The following GRIN2A variants were observed in gnomAD, a reference collection of about 807,000 sequenced individuals.
The protein encoded by GRIN2A is glutamate receptor ionotropic, NMDA 2A.
A neutral mutation model predicts 113.4 loss-of-function variants in GRIN2A; 22 were observed. The observed-to-expected ratio is 0.19, with a 90% CI of 0.14 to 0.28. The LOEUF (loss-of-function observed/expected upper bound fraction) is 0.28, where lower values mean the gene tolerates loss of function less well. Among genes scored for constraint, GRIN2A ranks in the 10% least tolerant of loss-of-function variants. The pLI is 1.00. For missense variants in GRIN2A, 1,502 were observed against 1,887.0 expected (o/e 0.80, Z 3.78); for synonymous variants, 827 against 738.4 (o/e 1.12, Z -1.94).
intron 3 of GRIN2A, among the ~76,000 whole-genome samples, chr16:9,903,865 G>A (rs1328180493): frequency 6.6e-6 from 1 of 152,212 alleles, no homozygotes; most frequent in Non-Finnish European, 1.5e-5. Flanking sequence ...AAACACAAAT[G>A]TTTGATGAAG....
At chr16:9,917,640 C>T (rs1260711565) in intron 3 of GRIN2A, among the ~76,000 whole-genome samples, 1 of 152,190 alleles carries the variant, frequency 6.6e-6, no homozygotes, top group Admixed American at 6.5e-5. Context: ...ACTCTTCAGT[C>T]AAATAAAATA....
intron 4 of GRIN2A, among the ~76,000 whole-genome samples, chr16:9,886,889 T>C (rs911692915): frequency 7.9e-5 from 12 of 152,046 alleles, no homozygotes; most frequent in African/African-American, 2.9e-4. Flanking sequence ...GGATTTAAGG[T>C]TTTGTTGTTT....
chr16:9,880,019 C>A (rs1256795092), intron 4 of GRIN2A, among the ~76,000 whole-genome samples: 1 of 152,140 alleles, frequency 6.6e-6, no homozygotes, highest in Non-Finnish European at 1.5e-5. Flanking sequence ...CTCAAACTTA[C>A]CCATTTGAAA....
Position 10,076,927 on chromosome 16 carries a change from T to A in GRIN2A, c.414+103071A>T, listed in dbSNP as rs76194129. Among the ~76,000 whole-genome samples, 943 of 152,256 alleles carry A rather than the reference T, an allele frequency of 6.2e-3. 16 individuals carry two copies. The highest frequency in any genetic ancestry group is 0.022 in the African/African-American group (909 of 41,548). ...TACACAGCAAAGGGGACTTGGCAAA[T>A]GTGATTCAGTTAAAGATCTTCAGAG... On this transcript the variant is annotated intron_variant, in intron 2 of 12. Coordinates refer to ENST00000330684, the MANE Select transcript of GRIN2A (RefSeq NM_001134407.3).
intron 2 of GRIN2A, among the ~76,000 whole-genome samples, chr16:10,030,223 T>C (rs2046903772): frequency 6.6e-6 from 1 of 152,156 alleles, no homozygotes; most frequent in African/African-American, 2.4e-5. Context: ...CAACTCTCAT[T>C]TCTCTCGTCC....
intron 2 of GRIN2A, among the ~76,000 whole-genome samples, chr16:10,063,039 A>G (rs1055058168): frequency 6.6e-6 from 1 of 152,182 alleles, no homozygotes; most frequent in Non-Finnish European, 1.5e-5. Flanking sequence ...GAATATACAC[A>G]GCCATAAAAA....
At chr16:10,137,834 G>C (rs2049232101) in intron 2 of GRIN2A, among the ~76,000 whole-genome samples, 1 of 152,124 alleles carries the variant, frequency 6.6e-6, no homozygotes, top group African/African-American at 2.4e-5. Context: ...GCTCACCCAA[G>C]AGTCATGACT....
At chr16:9,877,208 G>A (rs2043385283) in intron 4 of GRIN2A, among the ~76,000 whole-genome samples, 1 of 152,144 alleles carries the variant, frequency 6.6e-6, no homozygotes, top group Non-Finnish European at 1.5e-5. Flanking sequence ...GGGTTATTAT[G>A]CGGCTAAAGT....
At chr16:9,806,710 A>G (rs139006535) in intron 10 of GRIN2A, among the ~76,000 whole-genome samples, 2 of 151,228 alleles carry the variant, frequency 1.3e-5, no homozygotes. Context: ...AGATGTTAGT[A>G]AGGTACAGAG....
chr16:10,057,825 G>A (rs558871627), intron 2 of GRIN2A, among the ~76,000 whole-genome samples: 17 of 152,288 alleles, frequency 1.1e-4, no homozygotes, highest in South Asian at 2.1e-4. Context: ...TATTTTTAGC[G>A]TGGTCCTCAA....
At chr16:10,052,301 G>A (rs564005643) in intron 2 of GRIN2A, among the ~76,000 whole-genome samples, 1 of 152,356 alleles carries the variant, frequency 6.6e-6, no homozygotes, top group East Asian at 1.9e-4. Context: ...AGACCTGTGG[G>A]TTGGATGTGC....
chr16:9,853,035 T>C (rs931765265), intron 4 of GRIN2A, among the ~76,000 whole-genome samples: 1 of 152,094 alleles, frequency 6.6e-6, no homozygotes, highest in Non-Finnish European at 1.5e-5. Flanking sequence ...AAATGAAACA[T>C]GGGTCTAAGA....
intron 2 of GRIN2A, among the ~76,000 whole-genome samples, chr16:10,106,874 A>T (rs2048510644): frequency 6.6e-6 from 1 of 152,210 alleles, no homozygotes; most frequent in Non-Finnish European, 1.5e-5. Context: ...ATAAGCAGCA[A>T]GCCTGGGTGT....
chr16:9,821,388 T>A (rs2042282138), intron 10 of GRIN2A, among the ~76,000 whole-genome samples: 1 of 152,112 alleles, frequency 6.6e-6, no homozygotes, highest in Non-Finnish European at 1.5e-5. Flanking sequence ...CTAGCAAGAC[T>A]TTCTCCCAGA....
rs768199285 is a variant in GRIN2A at position 9,948,056 on chromosome 16, T to C, written c.415-9505A>G. On this transcript the variant is annotated intron_variant, in intron 2 of 12. Transcript: ENST00000330684. ...TAAATGACACAACTTTGCAGCACCA[T>C]GGCAAAGGAGCTCTTATCGCGTGCC... is the stretch of plus-strand genomic sequence containing the variant. Among the ~76,000 whole-genome samples, 50 of 152,114 alleles carry C rather than the reference T, an allele frequency of 3.3e-4. 1 individual carries two copies. The highest frequency in any genetic ancestry group is 1.9e-3 in the South Asian group (9 of 4,788).
intron 2 of GRIN2A, among the ~76,000 whole-genome samples, chr16:9,941,379 AG>A (rs1193601180): frequency 9.2e-5 from 14 of 152,224 alleles, no homozygotes; most frequent in African/African-American, 3.4e-4. Context: ...ACATGTAGAG[AG>A]GAAGGCATGG....
chr16:9,794,616 C>T (rs1038216697), intron 11 of GRIN2A: 1 of 152,178 alleles, frequency 6.6e-6, no homozygotes, highest in Non-Finnish European at 1.5e-5. Context: ...TTATGCCTCC[C>T]GATGGCCTCA....
chr16:9,755,252 G>A lies in GRIN2A; in HGVS notation c.*7897C>T, dbSNP rs886052520. 1 of 186,412 alleles carries A rather than the reference G, an allele frequency of 5.4e-6. No individual in the cohort carries two copies. The highest frequency in any genetic ancestry group is 2.3e-5 in the African/African-American group (1 of 42,740). 11.5% of individuals were successfully genotyped at this position (186,412 alleles called of 1,614,324 possible). On this transcript the variant is annotated 3_prime_UTR_variant, in exon 13 of 13. Coordinates refer to ENST00000330684, the MANE Select transcript of GRIN2A (RefSeq NM_001134407.3). The stretch of plus-strand genomic sequence containing the variant: ...ACTTCATTTTAAGCAATTTAGTTCT[G>A]GTTCCCTGGAGAGTTGCATGCTTTG...
chr16:10,032,056 T>A lies in GRIN2A; in HGVS notation c.415-93505A>T, dbSNP rs531474905. Among the ~76,000 whole-genome samples, 6 of 152,374 alleles carry A rather than the reference T, an allele frequency of 3.9e-5. No homozygotes were observed. In the South Asian group the frequency reaches 1.2e-3, roughly 32 times the overall value. ...ACACAGTACTTATTACAGCGCATCGTATTTACTTGCATGATACTTTTTTGA... is the reference window on the plus strand; with the variant it reads ...ACACAGTACTTATTACAGCGCATCGAATTTACTTGCATGATACTTTTTTGA... On this transcript the variant is annotated intron_variant, in intron 2 of 12. Transcript: ENST00000330684.
Sources: allele counts gnomAD v4.1 joint callset (sites outside exome capture counted in the v4.1 genomes callset), GRCh38; gene constraint gnomAD v4.1.1; transcripts MANE v1.5; gene names NCBI Gene and HGNC (gene_info 2026-07-23, HGNC 2026-07-21).